TTC6: variants seen among roughly 807,000 people sequenced by gnomAD.
TTC6 encodes the protein tetratricopeptide repeat domain 6.
A neutral mutation model predicts 210.4 loss-of-function variants in TTC6; 172 were observed. The ratio of observed to expected loss-of-function variants is 0.82; its 90% CI spans 0.72 to 0.93. The LOEUF (loss-of-function observed/expected upper bound fraction) is 0.93. Among genes scored for constraint, TTC6 ranks in the 40% least tolerant of loss-of-function variants. The pLI is 0.00. For missense variants in TTC6, 2,414 were observed against 2,318.1 expected, an observed-to-expected ratio of 1.04 and a Z score of -0.85; for synonymous variants, 804 against 819.6, an observed-to-expected ratio of 0.98 and a Z score of 0.32.
chr14:37,622,429 T>C (rs2095652879), exon 1 of TTC6: 1 of 1,534,950 alleles, frequency 6.5e-7, no homozygotes, highest in Non-Finnish European at 8.7e-7. Flanking sequence ...GACTTTTACT[T>C]GCGGAGCTCC....
At chr14:37,838,418 G>C (rs1032405156) in intron 29 of TTC6, among the ~76,000 whole-genome samples, 2 of 152,108 alleles carry the variant, frequency 1.3e-5, no homozygotes, top group African/African-American at 2.4e-5. Context: ...AATGGTTCTT[G>C]GACCAGTACT....
chr14:37,618,560 A>G (rs1053264448), upstream of TTC6, among the ~76,000 whole-genome samples: 4 of 152,218 alleles, frequency 2.6e-5, no homozygotes, highest in Non-Finnish European at 5.9e-5. Context: ...CTCCTATGAA[A>G]AAGAGAACAT....
intron 1 of TTC6, among the ~76,000 whole-genome samples, chr14:37,647,380 C>A (rs2095703503): frequency 6.6e-6 from 1 of 152,162 alleles, no homozygotes; most frequent in Non-Finnish European, 1.5e-5. Context: ...TTGGGCCAAT[C>A]ATGGTGACAG....
At position 37,752,517 on chromosome 14, in the gene TTC6, A is replaced by ATT. The variant is rs11421266; in HGVS notation, c.3130-572_3130-571dup. 3.7e-3 allele frequency among the ~76,000 whole-genome samples: 543 copies of ATT among 148,144 alleles called. 3 individuals are homozygous for ATT. The highest frequency in any genetic ancestry group is 0.011 in the African/African-American group (467 of 40,748). Reference sequence around the variant, plus strand: ...GAGGTCAAATTTTGAAATCTTTAGGATTTTTTTTTTTATTTTAAAAATATT... The same window carrying ATT: ...GAGGTCAAATTTTGAAATCTTTAGGATTTTTTTTTTTTTATTTTAAAAATATT... On this transcript the variant is annotated intron_variant, in intron 13 of 30. Coordinates refer to ENST00000553443, the Ensembl canonical transcript of TTC6.
chr14:37,661,215 C>A (rs35374466), intron 1 of TTC6, among the ~76,000 whole-genome samples: 1 of 151,974 alleles, frequency 6.6e-6, no homozygotes, highest in Non-Finnish European at 1.5e-5. Flanking sequence ...TCAATTTTTG[C>A]TTTTGTTGCA....
intron 6 of TTC6, among the ~76,000 whole-genome samples, chr14:37,721,084 G>GA (rs71127232): frequency 0.21 from 25,088 of 120,168 alleles, 2,588 homozygotes; most frequent in African/African-American, 0.31. Context: ...CAGTGGAACA[G>GA]AAAAAAAAAA....
At chr14:37,755,883 T>G (rs904251549) in intron 14 of TTC6, among the ~76,000 whole-genome samples, 1 of 152,218 alleles carries the variant, frequency 6.6e-6, no homozygotes, top group Non-Finnish European at 1.5e-5. Context: ...TTTCTAATTC[T>G]GTGAAGAAAG....
chr14:37,787,711 G>A, intron 15 of TTC6, 74 bp downstream of exon 17: 1 of 1,209,664 alleles, frequency 8.3e-7, no homozygotes, highest in Non-Finnish European at 1.1e-6. Flanking sequence ...AGTGGTGAAT[G>A]GTAATGTGGG....
At chr14:37,706,126 C>T (rs914831605) in intron 5 of TTC6, among the ~76,000 whole-genome samples, 5 of 152,020 alleles carry the variant, frequency 3.3e-5, no homozygotes, top group African/African-American at 7.2e-5. Flanking sequence ...TGTGAGGGCA[C>T]GTGTGAGTGC....
chr14:37,632,373 T>C (rs529370523), intron 1 of TTC6, among the ~76,000 whole-genome samples: 11 of 152,320 alleles, frequency 7.2e-5, no homozygotes, highest in African/African-American at 2.4e-4. Context: ...CAGTGAAGCC[T>C]CCCTGCTGCA....
In TTC6 at chr14:37,823,744, C is replaced by A. The variant is rs750475985; in HGVS notation, c.4764-3C>A. 7.4e-6 allele frequency: 12 copies of A among 1,611,702 alleles called. No individual in the cohort carries two copies. The South Asian group carries it at 1.2e-4, about 16-fold the overall frequency. Reference sequence around the variant, plus strand: ...AGGCATCAATATTTTTATTTATTTGCAGAATTAATGAGTTTGAAGAAGCTG... The same window carrying A: ...AGGCATCAATATTTTTATTTATTTGAAGAATTAATGAGTTTGAAGAAGCTG... On this transcript the variant is annotated splice_polypyrimidine_tract_variant and splice_region_variant and intron_variant, in intron 26 of 30. Transcript: ENST00000553443.
chr14:37,788,826 A>T (rs904898980), intron 15 of TTC6, among the ~76,000 whole-genome samples: 1 of 152,168 alleles, frequency 6.6e-6, no homozygotes. Context: ...CTTAAATTTG[A>T]AGATCAAACC....
chr14:37,694,145 G>T (rs2095809920), intron 3 of TTC6, among the ~76,000 whole-genome samples: 1 of 152,066 alleles, frequency 6.6e-6, no homozygotes, highest in Non-Finnish European at 1.5e-5. Context: ...CACACCAAAG[G>T]ATACAATCAG....
At chr14:37,665,598 C>T (rs577160443) in intron 1 of TTC6, among the ~76,000 whole-genome samples, 2 of 150,434 alleles carry the variant, frequency 1.3e-5, no homozygotes, top group Admixed American at 6.6e-5. Flanking sequence ...CACCGTGGCA[C>T]GTTTACCTGT....
chr14:37,698,148 TAAAAG>T (rs1198130226), intron 4 of TTC6, among the ~76,000 whole-genome samples: 2 of 152,162 alleles, frequency 1.3e-5, no homozygotes, highest in Non-Finnish European at 2.9e-5. Context: ...AATTATATAA[TAAAAG>T]AGAATCTTAG....
chr14:37,663,943 A>AT (rs1555384819), intron 1 of TTC6, among the ~76,000 whole-genome samples: 3,683 of 146,604 alleles, frequency 0.025, 107 homozygotes, highest in Non-Finnish European at 0.04. Context: ...TATAGCTAAT[A>AT]AGGGAAGTGA....
exon 23 of TTC6, chr14:37,807,443 C>T: frequency 6.6e-7 from 1 of 1,508,210 alleles, no homozygotes; most frequent in Non-Finnish European, 8.9e-7. Context: ...CAGAGGAGTT[C>T]TGAAATACTA....
exon 1 of TTC6, chr14:37,622,116 A>G: frequency 6.5e-7 from 1 of 1,535,326 alleles, no homozygotes. Context: ...GGAATCGTAT[A>G]TGTTTAAAGA....
intron 5 of TTC6, among the ~76,000 whole-genome samples, chr14:37,713,046 C>T (rs557591828): frequency 3.3e-5 from 5 of 152,288 alleles, no homozygotes; most frequent in Admixed American, 2.6e-4. Context: ...TGGAAGCCAG[C>T]ACTGGCAACA....
Sources: allele counts gnomAD v4.1 joint callset (sites outside exome capture counted in the v4.1 genomes callset), GRCh38; gene constraint gnomAD v4.1.1; transcripts MANE v1.5; gene names NCBI Gene and HGNC (gene_info 2026-07-23, HGNC 2026-07-21).